The following NRXN1 variants were observed in gnomAD, a reference collection of about 807,000 sequenced individuals.
NRXN1 encodes the protein neurexin 1, also known as neurexin-1.
A neutral mutation model predicts 150.9 loss-of-function variants in NRXN1; 39 were observed. The observed-to-expected ratio is 0.26, with a 90% CI of 0.20 to 0.34. NRXN1 has a LOEUF of 0.34. NRXN1 is among the 10% of genes least tolerant of loss of function. The pLI is 1.00. For missense variants in NRXN1, 1,815 were observed against 1,949.9 expected (o/e 0.93, Z 1.30); for synonymous variants, 924 against 757.0 (o/e 1.22, Z -3.62).
chr2:50,728,558 T>C (rs908062066), intron 5 of NRXN1, among the ~76,000 whole-genome samples: 4 of 152,192 alleles, frequency 2.6e-5, no homozygotes, highest in Admixed American at 1.3e-4. Context: ...AATACATCAA[T>C]ATGTTTTTGG....
intron 5 of NRXN1, among the ~76,000 whole-genome samples, chr2:50,721,428 T>C (rs1696642812): frequency 1.3e-5 from 2 of 152,216 alleles, no homozygotes; most frequent in African/African-American, 4.8e-5. Flanking sequence ...AACAAATATG[T>C]AGCATACAGA....
intron 18 of NRXN1, among the ~76,000 whole-genome samples, chr2:50,187,098 G>A (rs2061126325): frequency 6.6e-6 from 1 of 152,036 alleles, no homozygotes; most frequent in African/African-American, 2.4e-5. Context: ...CTGATTCTAT[G>A]TTTTAAAATC....
intron 15 of NRXN1, among the ~76,000 whole-genome samples, chr2:50,478,660 T>C (rs923041407): frequency 3.3e-5 from 5 of 152,194 alleles, no homozygotes; most frequent in Non-Finnish European, 5.9e-5. Flanking sequence ...CCATAAATTA[T>C]TATCTTTAGG....
intron 5 of NRXN1, among the ~76,000 whole-genome samples, chr2:50,644,248 C>T (rs776885032): frequency 2.6e-5 from 4 of 151,734 alleles, no homozygotes; most frequent in South Asian, 4.1e-4. Flanking sequence ...TGCCTTCCCA[C>T]TCCAGACTTC....
intron 5 of NRXN1, among the ~76,000 whole-genome samples, chr2:50,845,668 G>C (rs1237359203): frequency 6.6e-6 from 1 of 152,158 alleles, no homozygotes; most frequent in Non-Finnish European, 1.5e-5. Flanking sequence ...TATGGTGGAT[G>C]CTCGATCTAT....
intron 18 of NRXN1, among the ~76,000 whole-genome samples, chr2:50,092,139 C>T (rs1699662193): frequency 6.6e-6 from 1 of 152,152 alleles, no homozygotes. Flanking sequence ...AACTAAAATT[C>T]ATTTCCCTTA....
At chr2:50,191,164 G>T (rs1258757420) in intron 18 of NRXN1, among the ~76,000 whole-genome samples, 1 of 150,964 alleles carries the variant, frequency 6.6e-6, no homozygotes, top group Non-Finnish European at 1.5e-5. Flanking sequence ...AGGTAGCTGG[G>T]ATTACAGGCA....
intron 19 of NRXN1, among the ~76,000 whole-genome samples, chr2:50,086,118 C>T (rs750944252): frequency 5.9e-5 from 9 of 152,078 alleles, no homozygotes; most frequent in Non-Finnish European, 1.2e-4. Context: ...ATGTAATGAT[C>T]ATGTAAGGTA....
chr2:50,447,479 CAAAAAAAAAA>C (rs35878890), intron 17 of NRXN1, among the ~76,000 whole-genome samples: 2 of 38,552 alleles, frequency 5.2e-5, no homozygotes, highest in Non-Finnish European at 9.1e-5. Flanking sequence ...GACTCTGTCT[CAAAAAAAAAA>C]AAAAAAAAAA....
In NRXN1 at chr2:50,329,313, G is replaced by A. The variant is rs572823120; in HGVS notation, c.3365-92343C>T. ...AATCCACATGTGAAGATGTTCAAAC[G>A]CAGTAGAAGTTAAAACAGTGTAAAA... On this transcript the variant is annotated intron_variant, in intron 17 of 22. Coordinates refer to ENST00000401669, the MANE Select transcript of NRXN1 (RefSeq NM_001330078.2). Among the ~76,000 whole-genome samples, 48 of 151,846 alleles carry A rather than the reference G, an allele frequency of 3.2e-4. 1 individual carries two copies. The highest frequency in any genetic ancestry group is 4.0e-4 in the Non-Finnish European group (27 of 67,934).
chr2:50,422,043 C>T (rs983410201), intron 17 of NRXN1, among the ~76,000 whole-genome samples: 5 of 152,088 alleles, frequency 3.3e-5, no homozygotes, highest in Non-Finnish European at 7.4e-5. Context: ...TATCTCTGAC[C>T]TAACATTCTC....
chr2:50,910,154 T>C (rs1288440703), intron 5 of NRXN1, among the ~76,000 whole-genome samples: 2 of 152,032 alleles, frequency 1.3e-5, no homozygotes, highest in Non-Finnish European at 2.9e-5. Flanking sequence ...TAATGAGCTT[T>C]AAAAATATGT....
chr2:50,202,534 G>A (rs1371766254), intron 18 of NRXN1, among the ~76,000 whole-genome samples: 1 of 151,880 alleles, frequency 6.6e-6, no homozygotes, highest in Non-Finnish European at 1.5e-5. Flanking sequence ...AAAAAAAAAG[G>A]AGGCAATGGA....
chr2:50,043,576 A>G (rs1314119510), intron 21 of NRXN1, among the ~76,000 whole-genome samples: 2 of 152,216 alleles, frequency 1.3e-5, no homozygotes, highest in Non-Finnish European at 2.9e-5. Context: ...ATCCATGAAC[A>G]CAAGTACCTA....
intron 5 of NRXN1, chr2:50,920,135 A>C (rs1173011232): frequency 5.5e-6 from 1 of 182,274 alleles, no homozygotes; most frequent in Non-Finnish European, 1.3e-5. Context: ...TCCATTTAAC[A>C]GCAAAAAGCT....
At chr2:50,743,743 C>G (rs774910819) in intron 5 of NRXN1, among the ~76,000 whole-genome samples, 3 of 152,056 alleles carry the variant, frequency 2.0e-5, no homozygotes, top group Admixed American at 6.6e-5. Flanking sequence ...TAAAACAACC[C>G]TAGATTTCCT....
chr2:50,060,955 C>T (rs538617162), intron 19 of NRXN1, among the ~76,000 whole-genome samples: 33 of 152,224 alleles, frequency 2.2e-4, no homozygotes, highest in African/African-American at 2.6e-4. Flanking sequence ...TAAAGTACAG[C>T]GACAATGTCT....
chr2:50,243,795 T>A (rs555503845), intron 17 of NRXN1, among the ~76,000 whole-genome samples: 1 of 151,766 alleles, frequency 6.6e-6, no homozygotes, highest in East Asian at 1.9e-4. Context: ...CAGAAGAGTA[T>A]TCCTCTTCAA....
At chr2:50,845,109 G>T (rs1673450560) in intron 5 of NRXN1, among the ~76,000 whole-genome samples, 1 of 152,036 alleles carries the variant, frequency 6.6e-6, no homozygotes, top group African/African-American at 2.4e-5. Flanking sequence ...TCCCTCATCA[G>T]CCTCCCAAAG....
Sources: allele counts gnomAD v4.1 joint callset (sites outside exome capture counted in the v4.1 genomes callset), GRCh38; gene constraint gnomAD v4.1.1; transcripts MANE v1.5; gene names NCBI Gene and HGNC (gene_info 2026-07-23, HGNC 2026-07-21).